Variants in NRG1 observed in about 807,000 individuals in gnomAD.
NRG1 encodes neuregulin 1, also known as pro-neuregulin-1, membrane-bound isoform.
NRG1 carries 18 observed loss-of-function variants against 63.8 expected under a neutral mutation model. The ratio of observed to expected loss-of-function variants is 0.28; its 90% CI spans 0.19 to 0.42. NRG1 has a LOEUF of 0.42. NRG1 is among the 10% of genes least tolerant of loss of function. NRG1 has a pLI of 1.00. For synonymous variants in NRG1, 302 were observed against 301.3 expected (o/e 1.00, Z -0.02); for missense variants, 762 against 814.7 (o/e 0.94, Z 0.79).
At chr8:32,080,298 G>A (rs1563762831) in intron 1 of NRG1, among the ~76,000 whole-genome samples, 1 of 152,150 alleles carries the variant, frequency 6.6e-6, no homozygotes, top group Non-Finnish European at 1.5e-5. Flanking sequence ...TGTCCTGGCA[G>A]TTGAAGGAAA....
At chr8:32,182,626 T>C (rs2132116871) in intron 1 of NRG1, among the ~76,000 whole-genome samples, 1 of 152,332 alleles carries the variant, frequency 6.6e-6, no homozygotes, top group East Asian at 1.9e-4. Flanking sequence ...GCACTCTCAC[T>C]GTCTCTCTCT....
rs566789380 is a variant in NRG1 at position 32,070,858 on chromosome 8, C to A, written c.37+431427C>A. On this transcript the variant is annotated intron_variant, in intron 1 of 10. Coordinates refer to the NRG1 transcript ENST00000519301. ...TCCAAATCTGAAGTTGCCATCATAA[C>A]CAGACTTCTCTCATTCTCTTCCATG... 2.0e-5 allele frequency among the ~76,000 whole-genome samples: 3 copies of A among 152,300 alleles called. No homozygotes were observed. The South Asian group carries it at 6.2e-4, about 32-fold the overall frequency.
intron 1 of NRG1, among the ~76,000 whole-genome samples, chr8:32,123,559 T>C (rs1200110481): frequency 6.6e-6 from 1 of 150,452 alleles, no homozygotes; most frequent in South Asian, 2.1e-4. Context: ...ACAGTTATCC[T>C]GCATCTTAAC....
At chr8:31,841,501 A>G (rs1826199639) in intron 1 of NRG1, among the ~76,000 whole-genome samples, 1 of 152,168 alleles carries the variant, frequency 6.6e-6, no homozygotes, top group Non-Finnish European at 1.5e-5. Flanking sequence ...GAAGGTGAAG[A>G]TAAGGAGCTC....
chr8:32,293,088 A>T (rs546157034), intron 1 of NRG1, among the ~76,000 whole-genome samples: 4 of 151,932 alleles, frequency 2.6e-5, no homozygotes, highest in African/African-American at 9.6e-5. Flanking sequence ...TGGGCAACAG[A>T]GTGAGACTAC....
At chr8:32,357,528 A>T (rs188710854) in intron 1 of NRG1, among the ~76,000 whole-genome samples, 109 of 152,332 alleles carry the variant, frequency 7.2e-4, no homozygotes, top group African/African-American at 2.5e-3. Flanking sequence ...CTCACCCAAC[A>T]AAAGTTTTTT....
chr8:32,234,050 G>A lies in NRG1; in HGVS notation c.38-361778G>A, dbSNP rs1387438160. 2.0e-5 allele frequency among the ~76,000 whole-genome samples: 3 copies of A among 152,166 alleles called. No individual in the cohort carries two copies. In the East Asian group the frequency reaches 5.8e-4, roughly 29 times the overall value. On this transcript the variant is annotated intron_variant, in intron 1 of 10. Transcript: ENST00000519301. ...TGTGTGTACTGGCTTAACTGTGAAA[G>A]TATTAAAATTATTGTATTGATTTTT... is the stretch of plus-strand genomic sequence containing the variant.
At chr8:32,419,286 A>T (rs1816360509) in intron 1 of NRG1, among the ~76,000 whole-genome samples, 1 of 152,224 alleles carries the variant, frequency 6.6e-6, no homozygotes, top group Admixed American at 6.5e-5. Flanking sequence ...GTAGTATTTA[A>T]CCTTGTTAAT....
intron 1 of NRG1, among the ~76,000 whole-genome samples, chr8:31,906,707 A>G (rs931254830): frequency 1.3e-5 from 2 of 152,140 alleles, no homozygotes; most frequent in African/African-American, 4.8e-5. Flanking sequence ...AGTGTGTGAC[A>G]TGCAGTGAGA....
At chr8:32,497,662 A>T (rs920887566) in intron 1 of NRG1, among the ~76,000 whole-genome samples, 110 of 152,244 alleles carry the variant, frequency 7.2e-4, no homozygotes, top group African/African-American at 2.4e-3. Context: ...CTGTGCAGAG[A>T]ACTAACATGT....
intron 1 of NRG1, among the ~76,000 whole-genome samples, chr8:32,202,033 T>C (rs541377160): frequency 2.0e-5 from 3 of 152,182 alleles, no homozygotes; most frequent in Non-Finnish European, 2.9e-5. Flanking sequence ...GATTAGCTCG[T>C]TGAGTGTTAA....
chr8:32,630,538 T>C (rs746785503), intron 5 of NRG1, among the ~76,000 whole-genome samples: 13 of 152,174 alleles, frequency 8.5e-5, no homozygotes, highest in Non-Finnish European at 1.3e-4. Context: ...AAACACACCA[T>C]GTGATATGTA....
At chr8:32,165,685 T>C (rs971565345) in intron 1 of NRG1, among the ~76,000 whole-genome samples, 1 of 152,168 alleles carries the variant, frequency 6.6e-6, no homozygotes, top group Non-Finnish European at 1.5e-5. Context: ...ATATAATCAT[T>C]CTGTTTCATG....
In NRG1 at chr8:32,529,426, AT is replaced by A. The variant is rs1221857432; in HGVS notation, c.38-66400del. ...TTCACATAGGCTGCACTAAATATGT[AT>A]TAACAATTTTTCTTTCTTCCAAAAT... On this transcript the variant is annotated intron_variant, in intron 1 of 10. Coordinates refer to the NRG1 transcript ENST00000519301. Among the ~76,000 whole-genome samples the A allele has an allele frequency of 1.1e-4, 17 of 152,304 alleles. No individual in the cohort carries two copies. The East Asian group carries it at 2.9e-3, about 26-fold the overall frequency.
rs774505431 is a variant in NRG1, at chr8:32,027,414, CTCCT to C, written c.37+388035_37+388038del. Among the ~76,000 whole-genome samples, 993 of 114,100 alleles carry C rather than the reference CTCCT, an allele frequency of 8.7e-3. 72 individuals carry two copies. The highest frequency in any genetic ancestry group is 0.04 in the African/African-American group (930 of 23,528). The allele number at this position is 114,100 out of a possible 152,430, so 74.9% of individuals were successfully genotyped here. A position where few individuals can be genotyped will look rare whatever the true frequency, so the allele number is the denominator to read the frequency against. ...GTTTTTTATAAATTTCCTTCCTTCC[CTCCT>C]TCCTTCCTTCCTTCCTTCCTTCCTT... On this transcript the variant is annotated intron_variant, in intron 1 of 10. Transcript: ENST00000519301.
At chr8:32,741,256 G>A (rs1336500012) in intron 6 of NRG1, among the ~76,000 whole-genome samples, 1 of 152,098 alleles carries the variant, frequency 6.6e-6, no homozygotes. Context: ...CATGAAAAAT[G>A]TTATACAGTT....
chr8:32,068,838 G>A (rs1252188598), intron 1 of NRG1, among the ~76,000 whole-genome samples: 1 of 152,164 alleles, frequency 6.6e-6, no homozygotes, highest in East Asian at 1.9e-4. Flanking sequence ...AAGTCTTAGT[G>A]CTATTGCCAG....
intron 1 of NRG1, among the ~76,000 whole-genome samples, chr8:31,849,477 T>C (rs192922988): frequency 6.6e-6 from 1 of 152,368 alleles, no homozygotes; most frequent in East Asian, 1.9e-4. Flanking sequence ...GTTATAAACC[T>C]GTGACTCACT....
chr8:32,223,389 C>G (rs2132504470), intron 1 of NRG1, among the ~76,000 whole-genome samples: 1 of 152,116 alleles, frequency 6.6e-6, no homozygotes, highest in East Asian at 1.9e-4. Context: ...AAATAGAAAC[C>G]TGCATTTTTT....
Sources: gnomAD v4.1 joint callset for allele counts (sites outside exome capture counted in the v4.1 genomes callset) on GRCh38, gnomAD v4.1.1 for gene constraint, MANE v1.5 for transcripts, NCBI Gene and HGNC (gene_info 2026-07-23, HGNC 2026-07-21) for gene names.